HMG20B: variants seen among roughly 807,000 people sequenced by gnomAD.
The protein encoded by HMG20B is SWI/SNF-related matrix-associated actin-dependent regulator of chromatin subfamily E member 1-related.
HMG20B carries 24 observed loss-of-function variants against 41.6 expected under a neutral mutation model. That is an observed-to-expected ratio of 0.58 (90% confidence interval 0.42 to 0.81). HMG20B has a LOEUF of 0.81. Among genes scored for constraint, HMG20B ranks in the 30% least tolerant of loss-of-function variants. HMG20B has a pLI of 0.00. For missense variants in HMG20B, 461 were observed against 444.0 expected, an observed-to-expected ratio of 1.04 and a Z score of -0.34; for synonymous variants, 251 against 186.6, an observed-to-expected ratio of 1.34 and a Z score of -2.81.
chr19:3,577,174 C>T (rs2032184855), intron 8 of HMG20B, 67 bp downstream of exon 8: 1 of 1,139,160 alleles, frequency 8.8e-7, no homozygotes, highest in Non-Finnish European at 1.2e-6. Context: ...CCCCCCCCTC[C>T]TCCCTTCCCC....
Position 3,573,830 on chromosome 19 carries a change from G to C in HMG20B, c.147+30G>C, listed in dbSNP as rs769477763. 19 of 1,555,314 alleles carry C rather than the reference G, an allele frequency of 1.2e-5. No individual in the cohort carries two copies. The African/African-American group carries it at 2.4e-4, about 20-fold the overall frequency. ...GAGTCCCTGCGCTGAGCTGGGGGAGGCCCCGGGCTCCCGCCCCAGCCTCGA... is the reference window on the plus strand; with the variant it reads ...GAGTCCCTGCGCTGAGCTGGGGGAGCCCCCGGGCTCCCGCCCCAGCCTCGA... On this transcript the variant is annotated intron_variant, in intron 3 of 9. Coordinates refer to ENST00000333651, the MANE Select transcript of HMG20B (RefSeq NM_006339.3).
At chr19:3,577,351 G>T (rs1030460743) in intron 8 of HMG20B, among the ~76,000 whole-genome samples, 2 of 111,136 alleles carry the variant, frequency 1.8e-5, no homozygotes, top group African/African-American at 6.8e-5. Flanking sequence ...CCCGAGCTCC[G>T]CTCCGCGCCC....
intron 2 of HMG20B, 64 bp downstream of exon 2, chr19:3,573,411 A>G: frequency 1.4e-6 from 2 of 1,422,452 alleles, no homozygotes; most frequent in East Asian, 2.8e-5. Context: ...TAGCTCCTGA[A>G]CCCCTGACCC....
rs1347834481 is a variant in HMG20B at position 3,573,799 on chromosome 19, A to T, written c.146A>T (p.Glu49Val). The change falls in exon 3 of 10, where the codon GAG (glutamate) becomes GTG (valine). Residue 49 changes from glutamate to valine, a missense_variant and splice_region_variant. Physicochemically the swap from Glu to Val is moderately radical, Grantham distance 121 (BLOSUM62 -2). Coordinates refer to ENST00000333651, the MANE Select transcript of HMG20B (RefSeq NM_006339.3). ...GGCGAGAAGGGGTCCCACGAGGAGG[A>T]GGTGAGAGTCCCTGCGCTGAGCTGG... The part of the protein sequence containing the change: ...RAGEKGSHEE[E>V]PVKKRGWPKG... The T allele has an allele frequency of 6.3e-7, 1 of 1,585,176 alleles. No homozygotes were observed. Among genetic ancestry groups the T allele is most frequent in the South Asian group, 1.1e-5 (1 of 88,550 alleles).
chr19:3,576,859 G>T (rs765208748), intron 7 of HMG20B, 33 bp from the exon 8 acceptor site: 1 of 1,549,166 alleles, frequency 6.5e-7, no homozygotes, highest in Middle Eastern at 2.3e-4. Flanking sequence ...GAAAGGGGAG[G>T]CGCAGGCTTT....
rs1004707448 is a variant in HMG20B, at chr19:3,578,385, C to T, written c.942-124C>T. ...CGCCCGGGTTAGATAGGTTCAACGCCTGTCCCCCAACCCTGGCATCTGTTG... is the reference window on the plus strand; with the variant it reads ...CGCCCGGGTTAGATAGGTTCAACGCTTGTCCCCCAACCCTGGCATCTGTTG... On this transcript the variant is annotated intron_variant, in intron 9 of 9. Coordinates refer to ENST00000333651, the MANE Select transcript of HMG20B (RefSeq NM_006339.3). 8.0e-6 allele frequency: 11 copies of T among 1,368,782 alleles called. No individual in the cohort carries two copies. In the African/African-American group the frequency reaches 1.3e-4, roughly 16 times the overall value. 84.8% of individuals were successfully genotyped at this position (1,368,782 alleles called of 1,614,324 possible). A position where few individuals can be genotyped will look rare whatever the true frequency, so the allele number is the denominator to read the frequency against.
rs750180598 is a variant in HMG20B at position 3,576,618 on chromosome 19, A to G, written c.585A>G (p.Gln195=). 1 of 1,613,038 alleles carries G rather than the reference A, an allele frequency of 6.2e-7. No homozygotes were observed. The highest frequency in any genetic ancestry group is 2.2e-5 in the East Asian group (1 of 44,878). Residue 195 remains glutamine, a synonymous_variant, in exon 7 of 10, where the codon CAA becomes CAG. Coordinates refer to ENST00000333651, the MANE Select transcript of HMG20B (RefSeq NM_006339.3). ...VPIFTEEFLD[Q]NKAREAELRR... ...TCTTCACTGAAGAGTTCTTGGACCA[A>G]AACAAAGGTGAGCGGTAACTGCGCT...
chr19:3,576,806 A>T, intron 7 of HMG20B, 86 bp from the exon 8 acceptor site: 1 of 1,456,870 alleles, frequency 6.9e-7, no homozygotes, highest in South Asian at 1.2e-5. Context: ...AGTGAGGGAA[A>T]CCTGGGCAGG....
At position 3,578,124 on chromosome 19, in the gene HMG20B, G is replaced by A. The variant is rs1432129218; in HGVS notation, c.941+11G>A. 12 of 1,608,106 alleles carry A rather than the reference G, an allele frequency of 7.5e-6. No homozygotes were observed. In the African/African-American group the frequency reaches 1.1e-4, roughly 14 times the overall value. On this transcript the variant is annotated intron_variant, in intron 9 of 9. Transcript: ENST00000333651. Reference sequence around the variant, plus strand: ...GGCCCAGGTCGCCAGGTGTGTGCCGGGCGAGGCGGGGCGGGGCCGGGGTTC... The same window carrying A: ...GGCCCAGGTCGCCAGGTGTGTGCCGAGCGAGGCGGGGCGGGGCCGGGGTTC...
intron 4 of HMG20B, among the ~76,000 whole-genome samples, chr19:3,575,294 G>C (rs1018144775): frequency 1.1e-4 from 17 of 152,192 alleles, no homozygotes; most frequent in African/African-American, 3.9e-4. Context: ...TCCTGCCCAT[G>C]ACTCTGGCGT....
chr19:3,573,306 G>A lies in HMG20B; in HGVS notation c.-4G>A. 1 of 1,525,088 alleles carries A rather than the reference G, an allele frequency of 6.6e-7. No homozygotes were observed. The highest frequency in any genetic ancestry group is 8.8e-7 in the Non-Finnish European group (1 of 1,139,330). The allele number at this position is 1,525,088 out of a possible 1,614,324, so 94.5% of individuals were successfully genotyped here. ...CCGTGTTCCAGGTCCGGCCCGGAGC[G>A]GCCATGTCCCACGGCCCCAAGCAGC... is the stretch of plus-strand genomic sequence containing the variant. On this transcript the variant is annotated 5_prime_UTR_variant, in exon 2 of 10. Coordinates refer to ENST00000333651, the MANE Select transcript of HMG20B (RefSeq NM_006339.3).
At position 3,574,371 on chromosome 19, in the gene HMG20B, C is replaced by A; in HGVS notation, c.148-12C>A. 1 of 1,571,616 alleles carries A rather than the reference C, an allele frequency of 6.4e-7. No homozygotes were observed. Among genetic ancestry groups the A allele is most frequent in the Non-Finnish European group, 8.6e-7 (1 of 1,159,250 alleles). On this transcript the variant is annotated splice_polypyrimidine_tract_variant and intron_variant, in intron 3 of 9. Coordinates refer to ENST00000333651, the MANE Select transcript of HMG20B (RefSeq NM_006339.3). ...CAGGCCCCCCTCCCAACGACGCAGCCCGGTTCTGCAGCCGGTGAAGAAACG... is the reference window on the plus strand; with the variant it reads ...CAGGCCCCCCTCCCAACGACGCAGCACGGTTCTGCAGCCGGTGAAGAAACG...
At chr19:3,577,687 C>T (rs1421454836) in intron 8 of HMG20B, among the ~76,000 whole-genome samples, 1 of 144,578 alleles carries the variant, frequency 6.9e-6, no homozygotes, top group African/African-American at 2.6e-5. Context: ...CCCACGCGAC[C>T]CCAGCCCCCC....
chr19:3,578,113 G>A lies in HMG20B; in HGVS notation c.941G>A (p.Ser314Asn), dbSNP rs763565326. 167 of 1,610,366 alleles carry A rather than the reference G, an allele frequency of 1.0e-4. No homozygotes were observed. Among genetic ancestry groups the A allele is most frequent in the Non-Finnish European group, 1.4e-4 (164 of 1,179,100 alleles). ...AAGGAAATCCTGGCCCAGGTCGCCA[G>A]GTGTGTGCCGGGCGAGGCGGGGCGG... ...RIKEILAQVASEHL is the reference protein window; with the variant it reads ...RIKEILAQVANEHL Residue 314 changes from serine to asparagine, a missense_variant and splice_region_variant, in exon 9 of 10, where the codon AGC (serine) becomes AAC (asparagine). Ser to Asn is a conservative substitution (Grantham distance 46). Transcript: ENST00000333651.
chr19:3,573,109 G>A (rs1046641810), intron 1 of HMG20B, 115 bp downstream of exon 1: 5 of 515,816 alleles, frequency 9.7e-6, no homozygotes, highest in East Asian at 7.1e-5. Flanking sequence ...TCCCGGGGGG[G>A]GCAATCGCCC....
chr19:3,574,633 AC>A (rs2032119481), intron 4 of HMG20B, 47 bp downstream of exon 4: 5 of 1,480,064 alleles, frequency 3.4e-6, no homozygotes, highest in Non-Finnish European at 3.6e-6. Flanking sequence ...TCCACGGACT[AC>A]CCCCCAGTAG....
At position 3,578,602 on chromosome 19, in the gene HMG20B, G is replaced by T. The variant is rs1182436965; in HGVS notation, c.*81G>T. 2 of 1,532,820 alleles carry T rather than the reference G, an allele frequency of 1.3e-6. No homozygotes were observed. Among genetic ancestry groups the T allele is most frequent in the Admixed American group, 2.0e-5 (1 of 50,980 alleles). The allele number at this position is 1,532,820 out of a possible 1,614,324, so 95.0% of individuals were successfully genotyped here. On this transcript the variant is annotated 3_prime_UTR_variant, in exon 10 of 10. Coordinates refer to ENST00000333651, the MANE Select transcript of HMG20B (RefSeq NM_006339.3). ...CCCACCCCGTGGACGAGAGGCTGGG[G>T]GTCCACCCTTTGGGGCCTGGTCCCA...
chr19:3,575,482 A>G, intron 4 of HMG20B, 58 bp from the exon 5 acceptor site: 1 of 1,551,118 alleles, frequency 6.4e-7, no homozygotes, highest in South Asian at 1.2e-5. Context: ...AGTGATAAAG[A>G]CTGGATCCTG....
intron 5 of HMG20B, chr19:3,575,949 A>G: frequency 2.0e-6 from 1 of 487,936 alleles, no homozygotes; most frequent in East Asian, 3.5e-5. Context: ...GTCTCAAAAA[A>G]AAAAAAAAAA....
Sources: allele counts gnomAD v4.1 joint callset (sites outside exome capture counted in the v4.1 genomes callset), GRCh38; gene constraint gnomAD v4.1.1; transcripts MANE v1.5; gene names NCBI Gene and HGNC (gene_info 2026-07-23, HGNC 2026-07-21).